The following RBMS3 variants were observed in gnomAD, a reference collection of about 807,000 sequenced individuals.
RBMS3 encodes the protein RNA binding motif single stranded interacting protein 3.
Under a neutral mutation model 66.8 loss-of-function variants are expected in RBMS3, and 27 were observed. That is an observed-to-expected ratio of 0.40 (90% CI 0.30 to 0.56). The LOEUF is 0.56. Ranked by LOEUF, RBMS3 falls within the 20% of genes least tolerant of loss-of-function variation. The probability of loss-of-function intolerance (pLI) is 0.40; values close to 1 mark genes in which losing one functional copy is unlikely to be tolerated. For synonymous variants in RBMS3, 188 were observed against 183.0 expected (o/e 1.03, Z -0.22); for missense variants, 513 against 549.5 (o/e 0.93, Z 0.66).
intron 1 of RBMS3, among the ~76,000 whole-genome samples, chr3:29,324,133 T>A (rs2035179758): frequency 6.6e-6 from 1 of 152,162 alleles, no homozygotes; most frequent in South Asian, 2.1e-4. Context: ...TAACACAGAT[T>A]TTACTGTGCA....
chr3:29,725,333 A>T (rs1470089933), intron 4 of RBMS3, among the ~76,000 whole-genome samples: 1 of 152,216 alleles, frequency 6.6e-6, no homozygotes, highest in Non-Finnish European at 1.5e-5. Flanking sequence ...ATAAAAATTC[A>T]AAAGCTAACA....
chr3:29,633,174 G>A (rs2049347400), intron 4 of RBMS3, among the ~76,000 whole-genome samples: 1 of 151,624 alleles, frequency 6.6e-6, no homozygotes, highest in South Asian at 2.1e-4. Flanking sequence ...TGCTTGTATG[G>A]CTATCTGTGC....
intron 3 of RBMS3, among the ~76,000 whole-genome samples, chr3:29,527,181 T>TAAAAAAAAAAAAAA (rs538907247): frequency 2.3e-5 from 2 of 87,820 alleles, no homozygotes; most frequent in African/African-American, 9.5e-5. Flanking sequence ...TTAGGTAGAG[T>TAAAAAAAAAAAAAA]AAAAAAAAAA....
At chr3:29,992,159 C>T (rs1021097240) in intron 14 of RBMS3, among the ~76,000 whole-genome samples, 8 of 152,038 alleles carry the variant, frequency 5.3e-5, no homozygotes, top group Non-Finnish European at 8.8e-5. Flanking sequence ...TGCCTGTCTA[C>T]AGAGTGCTGC....
At chr3:29,748,504 A>G (rs1216133750) in intron 5 of RBMS3, among the ~76,000 whole-genome samples, 1 of 152,172 alleles carries the variant, frequency 6.6e-6, no homozygotes, top group Non-Finnish European at 1.5e-5. Context: ...TTTGCTAAGA[A>G]TATACATTAA....
At chr3:29,725,194 C>A (rs902599488) in intron 4 of RBMS3, among the ~76,000 whole-genome samples, 56 of 152,190 alleles carry the variant, frequency 3.7e-4, no homozygotes, top group African/African-American at 1.4e-3. Context: ...CTAAGAAAAA[C>A]TAAGATGTAT....
chr3:29,627,356 C>A (rs2049102554), intron 4 of RBMS3, among the ~76,000 whole-genome samples: 2 of 151,850 alleles, frequency 1.3e-5, no homozygotes, highest in South Asian at 4.2e-4. Flanking sequence ...CTAACCTCAG[C>A]ACTATTGGCA....
intron 1 of RBMS3, among the ~76,000 whole-genome samples, chr3:29,300,798 G>T (rs2033621844): frequency 6.6e-6 from 1 of 151,984 alleles, no homozygotes; most frequent in South Asian, 2.1e-4. Flanking sequence ...TAAGGATTTT[G>T]ATGCAATTCG....
At chr3:29,859,884 G>GCA (rs149338596) in intron 6 of RBMS3, among the ~76,000 whole-genome samples, 166 of 151,032 alleles carry the variant, frequency 1.1e-3, no homozygotes, top group African/African-American at 3.2e-3. Flanking sequence ...ATGCATGGGG[G>GCA]CACACACACA....
chr3:29,789,021 T>C (rs1201841535), intron 6 of RBMS3, among the ~76,000 whole-genome samples: 1 of 152,204 alleles, frequency 6.6e-6, no homozygotes, highest in Non-Finnish European at 1.5e-5. Context: ...AGACCTTTAA[T>C]ACTTCCTGTT....
intron 12 of RBMS3, among the ~76,000 whole-genome samples, chr3:29,954,069 A>G (rs941893037): frequency 1.3e-5 from 2 of 151,706 alleles, no homozygotes; most frequent in African/African-American, 2.4e-5. Context: ...ACCTTATTCA[A>G]TATATATTTA....
At chr3:29,387,012 G>A (rs796474658) in intron 1 of RBMS3, among the ~76,000 whole-genome samples, 14 of 152,196 alleles carry the variant, frequency 9.2e-5, no homozygotes, top group African/African-American at 3.1e-4. Context: ...GTCCCTCATT[G>A]CTTACCGGTT....
rs75282100 is a variant in RBMS3, at chr3:29,679,014, A to C, written c.400-60706A>C. Among the ~76,000 whole-genome samples the C allele has an allele frequency of 6.5e-3, 990 of 152,122 alleles. 9 individuals are homozygous for C. Among genetic ancestry groups the C allele is most frequent in the Middle Eastern group, 0.027 (8 of 294 alleles). On this transcript the variant is annotated intron_variant, in intron 4 of 14. Transcript: ENST00000383767. ...CCATTTAGTATGGTGGCTACATCAA[A>C]ATGGTTTGAGCAAGCACTGCTCCAG...
In RBMS3 at chr3:29,836,651, GATA is replaced by G. The variant is rs976630801; in HGVS notation, c.638-32200_638-32198del. On this transcript the variant is annotated intron_variant, in intron 6 of 14. Transcript: ENST00000383767. ...TTATGTACATACGGTGACTATAGTT[GATA>G]ATAATATATTGGATACTTGAAATTT... 2.0e-5 allele frequency among the ~76,000 whole-genome samples: 3 copies of G among 151,120 alleles called. No homozygotes were observed. The East Asian group carries it at 5.8e-4, about 29-fold the overall frequency.
intron 3 of RBMS3, among the ~76,000 whole-genome samples, chr3:29,548,418 A>C (rs1386003056): frequency 1.3e-5 from 2 of 150,178 alleles, no homozygotes; most frequent in Non-Finnish European, 3.0e-5. Flanking sequence ...TGACAGAGTG[A>C]GACTCTGTCT....
Position 29,992,891 on chromosome 3 carries a change from T to A in RBMS3, c.1307+1682T>A, listed in dbSNP as rs141504485. Among the ~76,000 whole-genome samples the A allele has an allele frequency of 2.0e-5, 3 of 152,258 alleles. No individual in the cohort carries two copies. The East Asian group carries it at 5.8e-4, about 29-fold the overall frequency. On this transcript the variant is annotated intron_variant, in intron 14 of 14. Transcript: ENST00000383767. The stretch of plus-strand genomic sequence containing the variant: ...GACTTAGCAAGATTCTTGCTAAAAC[T>A]AGGCTATAAAGAACTGGCAAGAATG...
At chr3:29,869,031 C>G in intron 7 of RBMS3, 67 bp downstream of exon 7, 1 of 1,303,364 alleles carries the variant, frequency 7.7e-7, no homozygotes, top group Non-Finnish European at 1.1e-6. Context: ...GGTGGCAAGG[C>G]AGACGTATGG....
chr3:29,988,207 C>T lies in RBMS3; in HGVS notation c.1163C>T (p.Thr388Ile), dbSNP rs187323813. The change falls in exon 13 of 15, where the codon ACA becomes ATA. Residue 388 changes from threonine to isoleucine, a missense_variant. Coordinates refer to ENST00000383767, the MANE Select transcript of RBMS3 (RefSeq NM_001003793.3). ...CCTCAGTACACGCCTGTGCCTCCGA[C>T]AGCTGTTTCTATTGAAGTAAGTCTA... ...YIPQYTPVPP[T>I]AVSIEGVVAD... 1.2e-6 allele frequency: 2 copies of T among 1,610,916 alleles called. No homozygotes were observed. Among genetic ancestry groups the T allele is most frequent in the East Asian group, 2.2e-5 (1 of 44,856 alleles).
At chr3:29,466,173 T>C (rs1291198629) in intron 2 of RBMS3, among the ~76,000 whole-genome samples, 1 of 152,058 alleles carries the variant, frequency 6.6e-6, no homozygotes, top group Non-Finnish European at 1.5e-5. Flanking sequence ...ACAGTGATTA[T>C]AGTCATTTCT....
Sources: allele counts gnomAD v4.1 joint callset (sites outside exome capture counted in the v4.1 genomes callset), GRCh38; gene constraint gnomAD v4.1.1; transcripts MANE v1.5; gene names NCBI Gene and HGNC (gene_info 2026-07-23, HGNC 2026-07-21).